PHC2: variants seen among roughly 807,000 people sequenced by gnomAD.
PHC2 encodes polyhomeotic-like protein 2.
In PHC2, 29 loss-of-function variants were observed where a neutral mutation model predicts 87.4. The ratio of observed to expected loss-of-function variants is 0.33; its 90% confidence interval spans 0.25 to 0.45. PHC2 has a LOEUF of 0.45. Ranked by LOEUF, PHC2 falls within the 20% of genes least tolerant of loss-of-function variation. PHC2 has a pLI of 1.00. For missense variants in PHC2, 857 were observed against 1,136.7 expected, an observed-to-expected ratio of 0.75 and a Z score of 3.54; for synonymous variants, 438 against 461.7, an observed-to-expected ratio of 0.95 and a Z score of 0.66.
At chr1:33,408,254 T>A (rs1276168010) in intron 1 of PHC2, among the ~76,000 whole-genome samples, 1 of 152,176 alleles carries the variant, frequency 6.6e-6, no homozygotes, top group Non-Finnish European at 1.5e-5. Context: ...CACGTCAGAA[T>A]CTGTTCACAA....
At chr1:33,393,033 C>CTGG (rs1649135967) in intron 1 of PHC2, among the ~76,000 whole-genome samples, 2 of 152,142 alleles carry the variant, frequency 1.3e-5, no homozygotes, top group African/African-American at 4.8e-5. Context: ...CCATCTGATC[C>CTGG]CTTCCCTTGT....
intron 14 of PHC2, among the ~76,000 whole-genome samples, chr1:33,327,414 G>A (rs1646394943): frequency 6.6e-6 from 1 of 152,132 alleles, no homozygotes; most frequent in Non-Finnish European, 1.5e-5. Context: ...GGATTTGGTG[G>A]CGGTGAGGGT....
At chr1:33,339,241 A>T (rs1031341373) in intron 9 of PHC2, among the ~76,000 whole-genome samples, 1 of 152,180 alleles carries the variant, frequency 6.6e-6, no homozygotes, top group Non-Finnish European at 1.5e-5. Flanking sequence ...ATGACCACTA[A>T]ACTGGAATGT....
intron 1 of PHC2, among the ~76,000 whole-genome samples, chr1:33,400,978 T>G (rs1163224027): frequency 6.6e-6 from 1 of 152,172 alleles, no homozygotes; most frequent in Non-Finnish European, 1.5e-5. Context: ...AAAGGAATTG[T>G]CTGAAGGTTA....
chr1:33,354,549 AG>A lies in PHC2; in HGVS notation c.1409del (p.Pro470LeufsTer60). The A allele has an allele frequency of 1.2e-6, 2 of 1,613,748 alleles. No individual in the cohort carries two copies. Among genetic ancestry groups the A allele is most frequent in the Non-Finnish European group, 1.7e-6 (2 of 1,179,790 alleles). On this transcript the variant is annotated frameshift_variant, in exon 9 of 15. Transcript: ENST00000683057. LOFTEE classifies it high-confidence loss of function. The part of the protein sequence containing the change: ...PASPVPQQCV[P>X]DDWKEVAPGE... ...CTGGTGCCACTTCTTTCCAGTCATC[AG>A]GGACACACTGCTGGGGCTGTCAAAG...
At chr1:33,406,442 T>C (rs1179181064) in intron 1 of PHC2, among the ~76,000 whole-genome samples, 1 of 152,190 alleles carries the variant, frequency 6.6e-6, no homozygotes, top group Non-Finnish European at 1.5e-5. Flanking sequence ...TGCAGTTCTA[T>C]GCACTGTAGT....
chr1:33,378,043 T>C (rs573484284), intron 1 of PHC2, among the ~76,000 whole-genome samples: 2 of 152,356 alleles, frequency 1.3e-5, no homozygotes, highest in East Asian at 1.9e-4. Flanking sequence ...TTTACTGCCA[T>C]AGAGCAAGGT....
chr1:33,364,832 C>T lies in PHC2; in HGVS notation c.976+2284G>A, dbSNP rs773402296. On this transcript the variant is annotated intron_variant, in intron 7 of 14. Coordinates refer to ENST00000683057, the MANE Select transcript of PHC2 (RefSeq NM_001385109.1). This position sits in a 1 kb window ranked among gnomAD's most constrained non-coding sequence, Gnocchi z 4.1. ...CTCCATAGAAAGTTCTGTGGAGCCA[C>T]TGGTCTCTGTACTGCATTCTAGCCA... 3.9e-5 allele frequency among the ~76,000 whole-genome samples: 6 copies of T among 152,194 alleles called. No homozygotes were observed. Among genetic ancestry groups the T allele is most frequent in the Non-Finnish European group, 7.3e-5 (5 of 68,038 alleles).
chr1:33,379,994 C>T lies in PHC2; in HGVS notation c.-54-4401G>A, dbSNP rs188296224. ...TCCCAGGCTTGATCAGCAGGTCTGT[C>T]TCTTCAATTCACACAGACACTCTCT... On this transcript the variant is annotated intron_variant, in intron 1 of 14. Transcript: ENST00000683057. Among the ~76,000 whole-genome samples, 19 of 152,288 alleles carry T rather than the reference C, an allele frequency of 1.2e-4. No individual in the cohort carries two copies. In the East Asian group the frequency reaches 3.1e-3, roughly 25 times the overall value.
chr1:33,345,419 G>T, intron 9 of PHC2: 1 of 352,098 alleles, frequency 2.8e-6, no homozygotes, highest in Non-Finnish European at 4.0e-6. Context: ...TCTTCTTTTG[G>T]ACTTACCTAA....
At chr1:33,424,100 A>G (rs1308227451) in intron 1 of PHC2, among the ~76,000 whole-genome samples, 1 of 145,808 alleles carries the variant, frequency 6.9e-6, no homozygotes, top group Non-Finnish European at 1.5e-5. Flanking sequence ...TCCGTCTCAA[A>G]AAAAAAAAAA....
chr1:33,429,550 T>C lies in PHC2; in HGVS notation c.-55+1426A>G, dbSNP rs570650103. Among the ~76,000 whole-genome samples, 7 of 152,370 alleles carry C rather than the reference T, an allele frequency of 4.6e-5. No homozygotes were observed. The East Asian group carries it at 7.7e-4, about 17-fold the overall frequency. ...CTCTGGAAAGCCTTCCCTGGTCCTC[T>C]CAGACAGCTAATTGTTCCCTCCTCT... On this transcript the variant is annotated intron_variant, in intron 1 of 14. Transcript: ENST00000683057.
At chr1:33,370,364 T>C (rs1034958356) in intron 5 of PHC2, 57 bp downstream of exon 5, 6 of 1,549,466 alleles carry the variant, frequency 3.9e-6, no homozygotes, top group Non-Finnish European at 5.3e-6. Context: ...GCTCCCAGCT[T>C]CTCTGCCTCT....
intron 1 of PHC2, among the ~76,000 whole-genome samples, chr1:33,381,728 T>C (rs1648503212): frequency 6.6e-6 from 1 of 150,912 alleles, no homozygotes; most frequent in Admixed American, 6.7e-5. Context: ...AGATTTTCAG[T>C]TGAAAACGAA....
In PHC2 at chr1:33,364,620, C is replaced by A. The variant is rs182360102; in HGVS notation, c.976+2496G>T. 2.7e-3 allele frequency among the ~76,000 whole-genome samples: 413 copies of A among 152,320 alleles called. 1 individual carries two copies. Among genetic ancestry groups the A allele is most frequent in the Admixed American group, 5.4e-3 (83 of 15,310 alleles). On this transcript the variant is annotated intron_variant, in intron 7 of 14. Transcript: ENST00000683057. The surrounding 1 kb of genome is among the most constrained non-coding windows in gnomAD (Gnocchi z 4.1). ...CCAGAGGCCCTGAGAGGACCTTCCC[C>A]TACTAAAACTCCCCAGCTGCCTTCC...
chr1:33,344,864 C>T (rs1244226037), intron 9 of PHC2, among the ~76,000 whole-genome samples: 1 of 152,010 alleles, frequency 6.6e-6, no homozygotes, highest in Non-Finnish European at 1.5e-5. Flanking sequence ...CTGCCTCGGC[C>T]CCCCAGGCAT....
At chr1:33,409,983 T>C (rs2148390147) in intron 1 of PHC2, among the ~76,000 whole-genome samples, 1 of 152,354 alleles carries the variant, frequency 6.6e-6, no homozygotes, top group Middle Eastern at 3.4e-3. Flanking sequence ...ACCTCATGTA[T>C]TTTCTCTGGA....
At chr1:33,399,917 T>C (rs1045155079) in intron 1 of PHC2, among the ~76,000 whole-genome samples, 1 of 152,246 alleles carries the variant, frequency 6.6e-6, no homozygotes, top group Non-Finnish European at 1.5e-5. Flanking sequence ...TGGAAATTGA[T>C]AGGTCAGTAT....
chr1:33,334,017 G>A lies in PHC2; in HGVS notation c.1761+73C>T. ...GTTCACATTTTCAGAAATTTTACAT[G>A]GAAATGTAAAAATATTCTAAGACAC... On this transcript the variant is annotated intron_variant, in intron 10 of 14. Coordinates refer to ENST00000683057, the MANE Select transcript of PHC2 (RefSeq NM_001385109.1). This position sits in a 1 kb window ranked among gnomAD's most constrained non-coding sequence, Gnocchi z 5.5. 3 of 1,318,860 alleles carry A rather than the reference G, an allele frequency of 2.3e-6. No individual in the cohort carries two copies. The highest frequency in any genetic ancestry group is 2.6e-5 in the South Asian group (2 of 76,708). 81.7% of individuals were successfully genotyped at this position (1,318,860 alleles called of 1,614,324 possible).
Sources: gnomAD v4.1 joint callset for allele counts (sites outside exome capture counted in the v4.1 genomes callset) on GRCh38, gnomAD v4.1.1 for gene constraint, Gnocchi (gnomAD v3.1) non-coding constraint, MANE v1.5 for transcripts, NCBI Gene and HGNC (gene_info 2026-07-23, HGNC 2026-07-21) for gene names.